The following SLC18A2 variants were observed in gnomAD, a reference collection of about 807,000 sequenced individuals.
SLC18A2 encodes the protein synaptic vesicular amine transporter.
A neutral mutation model predicts 59.2 loss-of-function variants in SLC18A2; 33 were observed. The observed-to-expected ratio is 0.56, with a 90% CI of 0.42 to 0.75. The LOEUF is 0.75. Among genes scored for constraint, SLC18A2 ranks in the 30% least tolerant of loss-of-function variants. The pLI is 0.00. For synonymous variants in SLC18A2, 228 were observed against 253.5 expected, an observed-to-expected ratio of 0.90 and a Z score of 0.95; for missense variants, 569 against 668.6, an observed-to-expected ratio of 0.85 and a Z score of 1.64.
rs764407068 is a variant in SLC18A2, at chr10:117,275,911, G to A, written c.1441-1251G>A. 4.6e-5 allele frequency among the ~76,000 whole-genome samples: 7 copies of A among 152,050 alleles called. No individual in the cohort carries two copies. In the East Asian group the frequency reaches 5.8e-4, roughly 13 times the overall value. On this transcript the variant is annotated intron_variant, in intron 15 of 15. Coordinates refer to ENST00000644641, the MANE Select transcript of SLC18A2 (RefSeq NM_003054.6). Reference sequence around the variant, plus strand: ...AGGACAGCCAGGATTGGGGACAGGCGGTCAGGAAATCACATGTGTGAAAAA... The same window carrying A: ...AGGACAGCCAGGATTGGGGACAGGCAGTCAGGAAATCACATGTGTGAAAAA...
chr10:117,241,919 G>C lies in SLC18A2; in HGVS notation c.121+105G>C, dbSNP rs963773510. Reference sequence around the variant, plus strand: ...GTCCCGGAGCTCCGCCAAGGCCCGGGAAAGTTGGAGAACTCGCTTTGCAAA... The same window carrying C: ...GTCCCGGAGCTCCGCCAAGGCCCGGCAAAGTTGGAGAACTCGCTTTGCAAA... On this transcript the variant is annotated intron_variant, in intron 2 of 15. Transcript: ENST00000644641. 3.4e-6 allele frequency: 4 copies of C among 1,163,996 alleles called. No homozygotes were observed. The Admixed American group carries it at 1.2e-4, about 36-fold the overall frequency. 72.1% of individuals were successfully genotyped at this position (1,163,996 alleles called of 1,614,324 possible).
At chr10:117,262,719 G>A (rs1273960028) in intron 10 of SLC18A2, among the ~76,000 whole-genome samples, 1 of 152,000 alleles carries the variant, frequency 6.6e-6, no homozygotes, top group East Asian at 1.9e-4. Flanking sequence ...GCCCAGGCTG[G>A]AGTGCTCTGG....
chr10:117,255,663 G>GCTCT lies in SLC18A2; in HGVS notation c.895+7_895+10dup, dbSNP rs1224237061. 6.2e-7 allele frequency: 1 copy of GCTCT among 1,612,422 alleles called. No homozygotes were observed. Among genetic ancestry groups the GCTCT allele is most frequent in the African/African-American group, 1.3e-5 (1 of 74,904 alleles). On this transcript the variant is annotated splice_region_variant and intron_variant, in intron 9 of 15. Coordinates refer to ENST00000644641, the MANE Select transcript of SLC18A2 (RefSeq NM_003054.6). ...GTACATCCTCATTGCTGCAGGTGGG[G>GCTCT]CTCTGTGGGTCTTCTGAGTCAGGGG... is the stretch of plus-strand genomic sequence containing the variant.
intron 10 of SLC18A2, among the ~76,000 whole-genome samples, chr10:117,265,117 T>A (rs1235490433): frequency 2.0e-5 from 3 of 152,242 alleles, no homozygotes; most frequent in African/African-American, 7.2e-5. Flanking sequence ...CACATATTGC[T>A]AAGCATGACA....
chr10:117,255,464 AT>A lies in SLC18A2; in HGVS notation c.791-10del, dbSNP rs768367103. On this transcript the variant is annotated splice_polypyrimidine_tract_variant and intron_variant, in intron 7 of 15. Coordinates refer to ENST00000644641, the MANE Select transcript of SLC18A2 (RefSeq NM_003054.6). ...TTCTGAAGAGGGGCTTGTCTTTTTTATTTTTATTTTTTAGCTATTCAGCTCT... is the reference window on the plus strand; with the variant it reads ...TTCTGAAGAGGGGCTTGTCTTTTTTATTTTATTTTTTAGCTATTCAGCTCT... The A allele has an allele frequency of 2.5e-6, 4 of 1,613,234 alleles. No homozygotes were observed.
chr10:117,253,262 T>G (rs1844184125), intron 3 of SLC18A2, 137 bp from the exon 4 acceptor site: 3 of 677,776 alleles, frequency 4.4e-6, no homozygotes, highest in East Asian at 5.1e-5. Context: ...TAGGAAGCAC[T>G]GAGTATATGA....
intron 12 of SLC18A2, 21 bp from the exon 13 acceptor site, chr10:117,267,649 CATA>C (rs1239242607): frequency 1.3e-6 from 2 of 1,518,644 alleles, no homozygotes; most frequent in Non-Finnish European, 1.8e-6. Context: ...GTTATTTTAG[CATA>C]ATGTTTATTT....
chr10:117,264,344 C>T (rs925649649), intron 10 of SLC18A2, among the ~76,000 whole-genome samples: 1 of 152,210 alleles, frequency 6.6e-6, no homozygotes, highest in Non-Finnish European at 1.5e-5. Context: ...GGGTGCGTGG[C>T]TCATGCCTGT....
intron 5 of SLC18A2, 44 bp downstream of exon 5, chr10:117,254,175 A>T: frequency 6.3e-7 from 1 of 1,579,734 alleles, no homozygotes; most frequent in Non-Finnish European, 8.7e-7. Flanking sequence ...GGCCCCTTGC[A>T]GAGTGAGCTG....
chr10:117,241,465 T>C (rs1024289779), intron 1 of SLC18A2, among the ~76,000 whole-genome samples: 2 of 151,828 alleles, frequency 1.3e-5, no homozygotes, highest in Non-Finnish European at 2.9e-5. Flanking sequence ...GGTCTCCAGA[T>C]TGGGTCCCCG....
At chr10:117,255,737 C>A in intron 9 of SLC18A2, 80 bp downstream of exon 9, 2 of 1,311,742 alleles carry the variant, frequency 1.5e-6, no homozygotes, top group Non-Finnish European at 2.1e-6. Context: ...ATGGCCAGGG[C>A]TGATTTTCGT....
At position 117,277,274 on chromosome 10, in the gene SLC18A2, TC is replaced by T. The variant is rs1158795818; in HGVS notation, c.*10del. The T allele has an allele frequency of 6.7e-7, 1 of 1,503,648 alleles. No homozygotes were observed. The highest frequency in any genetic ancestry group is 1.1e-5 in the South Asian group (1 of 87,836). 93.1% of individuals were successfully genotyped at this position (1,503,648 alleles called of 1,614,324 possible). A position where few individuals can be genotyped will look rare whatever the true frequency, so the allele number is the denominator to read the frequency against. ...GAATCTGAAAGTGACTGAGATGAGA[TC>T]CTCAAAAATCATCAAAGTGTTTAAT... On this transcript the variant is annotated 3_prime_UTR_variant, in exon 16 of 16. Transcript: ENST00000644641.
intron 2 of SLC18A2, among the ~76,000 whole-genome samples, chr10:117,242,189 C>T (rs930221484): frequency 6.6e-6 from 1 of 152,140 alleles, no homozygotes; most frequent in South Asian, 2.1e-4. Context: ...CTCGAAAAGG[C>T]AGGTTAGTAA....
chr10:117,267,896 T>TA (rs919540262), intron 13 of SLC18A2, 160 bp downstream of exon 13: 6 of 518,696 alleles, frequency 1.2e-5, no homozygotes, highest in Middle Eastern at 4.7e-4. Context: ...ATTCTCCGTG[T>TA]AAAGACACCT....
intron 10 of SLC18A2, among the ~76,000 whole-genome samples, chr10:117,265,658 G>A (rs363260): frequency 1.0e-3 from 158 of 152,242 alleles, no homozygotes; most frequent in Non-Finnish European, 1.8e-3. Flanking sequence ...TAGCCAAGCT[G>A]GGTCTGATAA....
At chr10:117,254,700 C>T (rs1454033465) in intron 6 of SLC18A2, among the ~76,000 whole-genome samples, 1 of 152,154 alleles carries the variant, frequency 6.6e-6, no homozygotes, top group Non-Finnish European at 1.5e-5. Flanking sequence ...CAGGACTTCC[C>T]CTGCCTCTGC....
chr10:117,267,492 G>A, intron 12 of SLC18A2, 181 bp from the exon 13 acceptor site: 4 of 487,346 alleles, frequency 8.2e-6, no homozygotes, highest in Non-Finnish European at 1.5e-5. Context: ...CTCGTTTCAA[G>A]CTTTGACTTT....
chr10:117,252,134 ATTTTTTTT>A lies in SLC18A2; in HGVS notation c.465-1243_465-1236del, dbSNP rs57101171. 4.8e-3 allele frequency among the ~76,000 whole-genome samples: 215 copies of A among 44,356 alleles called. 1 individual carries two copies. The highest frequency in any genetic ancestry group is 0.014 in the African/African-American group (206 of 14,278). 29.1% of individuals were successfully genotyped at this position (44,356 alleles called of 152,430 possible). On this transcript the variant is annotated intron_variant, in intron 3 of 15. Coordinates refer to ENST00000644641, the MANE Select transcript of SLC18A2 (RefSeq NM_003054.6). ...CTACTATGCCTGACTCATTTTTTGT[ATTTTTTTT>A]TTTTTTTTTTTTTTTTTTTTTAGTA...
At chr10:117,251,356 C>T in intron 3 of SLC18A2, among the ~76,000 whole-genome samples, 1 of 152,096 alleles carries the variant, frequency 6.6e-6, no homozygotes, top group African/African-American at 2.4e-5. Flanking sequence ...CGTGTGAGCC[C>T]CCGGTGTTGG....
Sources: gnomAD v4.1 joint callset for allele counts (sites outside exome capture counted in the v4.1 genomes callset) on GRCh38, gnomAD v4.1.1 for gene constraint, MANE v1.5 for transcripts, NCBI Gene and HGNC (gene_info 2026-07-23, HGNC 2026-07-21) for gene names.